The following DIAPH2 variants were observed in gnomAD, a reference collection of about 807,000 sequenced individuals.
DIAPH2 encodes protein diaphanous homolog 2.
Under a neutral mutation model 92.7 loss-of-function variants are expected in DIAPH2, and 35 were observed. That is an observed-to-expected ratio of 0.38 (90% CI 0.29 to 0.50). DIAPH2 has a LOEUF of 0.50. Ranked by LOEUF, DIAPH2 falls within the 20% of genes least tolerant of loss-of-function variation. The pLI, the probability that DIAPH2 is intolerant of heterozygous loss-of-function variation, is 0.94. For synonymous variants in DIAPH2, 301 were observed against 280.4 expected (o/e 1.07, Z -0.73); for missense variants, 701 against 819.5 (o/e 0.86, Z 1.77).
chrX:97,185,351 ATGTGTG>A (rs376783924), intron 22 of DIAPH2, among the ~76,000 whole-genome samples: 93 of 2,066 alleles, frequency 0.045, 10 homozygotes, highest in African/African-American at 0.11. Context: ...GTATATATAT[ATGTGTG>A]TATATATATA....
intron 17 of DIAPH2, among the ~76,000 whole-genome samples, chrX:97,026,835 A>G (rs1236157049): frequency 8.9e-6 from 1 of 112,234 alleles, no homozygotes; most frequent in Admixed American, 9.5e-5. Flanking sequence ...TTGCCTTTGC[A>G]TGTCTTGTGT....
intron 23 of DIAPH2, among the ~76,000 whole-genome samples, chrX:97,297,235 T>C (rs2147621310): frequency 9.2e-6 from 1 of 108,831 alleles, no homozygotes; most frequent in South Asian, 4.0e-4. Context: ...AAACCAGAAC[T>C]GTAAGATGGC....
intron 22 of DIAPH2, among the ~76,000 whole-genome samples, chrX:97,201,614 G>A (rs2067750838): frequency 9.2e-6 from 1 of 108,749 alleles, no homozygotes; most frequent in African/African-American, 3.3e-5. Context: ...AGACAAGATT[G>A]GAGAACATAG....
chrX:97,403,323 T>G (rs2069776307), intron 25 of DIAPH2, among the ~76,000 whole-genome samples: 1 of 112,479 alleles, frequency 8.9e-6, no homozygotes, highest in African/African-American at 3.2e-5. Context: ...ATGATCTTTG[T>G]CACAAATAAA....
intron 8 of DIAPH2, among the ~76,000 whole-genome samples, chrX:96,918,259 C>T (rs1000103158): frequency 1.7e-4 from 19 of 110,612 alleles, no homozygotes; most frequent in Non-Finnish European, 2.3e-4. Context: ...TTTAATTGTT[C>T]GTACCACAAA....
At chrX:97,490,260 G>A (rs1388648858) in intron 26 of DIAPH2, among the ~76,000 whole-genome samples, 1 of 106,065 alleles carries the variant, frequency 9.4e-6, no homozygotes, top group Non-Finnish European at 1.9e-5. Flanking sequence ...CAGTTCTAAT[G>A]TCTCATCTTT....
intron 26 of DIAPH2, among the ~76,000 whole-genome samples, chrX:97,578,391 A>G (rs1465465099): frequency 1.9e-5 from 2 of 106,533 alleles, no homozygotes; most frequent in Admixed American, 1.0e-4. Context: ...TCATTGTTCA[A>G]TTCCCACCTA....
chrX:97,350,525 G>T (rs900792571), intron 24 of DIAPH2, among the ~76,000 whole-genome samples: 8 of 110,934 alleles, frequency 7.2e-5, no homozygotes, highest in African/African-American at 2.6e-4. Context: ...TGCCTAGAAG[G>T]CTAAGAACTC....
chrX:97,464,528 C>A (rs2070492905), intron 26 of DIAPH2, among the ~76,000 whole-genome samples: 1 of 110,745 alleles, frequency 9.0e-6, no homozygotes, highest in Admixed American at 9.6e-5. Flanking sequence ...ATGGGTCTCT[C>A]CAAGTTCAGA....
rs943159219 is a variant in DIAPH2, at chrX:96,685,020, G to A, written c.-39G>A. On this transcript the variant is annotated 5_prime_UTR_variant, in exon 1 of 27. Coordinates refer to ENST00000324765, the MANE Select transcript of DIAPH2 (RefSeq NM_006729.5). Reference sequence around the variant, plus strand: ...CGAGGTGCTTTCTCAGTTGAGGAGAGGTGGGGTTACAGGGCACAGGTGACA... The same window carrying A: ...CGAGGTGCTTTCTCAGTTGAGGAGAAGTGGGGTTACAGGGCACAGGTGACA... 8 of 967,342 alleles carry A rather than the reference G, an allele frequency of 8.3e-6. No homozygotes were observed. Among genetic ancestry groups the A allele is most frequent in the Non-Finnish European group, 1.0e-5 (8 of 768,014 alleles). The allele number at this position is 967,342 out of a possible 1,213,427, so 79.7% of individuals were successfully genotyped here.
intron 9 of DIAPH2, among the ~76,000 whole-genome samples, chrX:96,923,738 A>G: frequency 9.0e-6 from 1 of 111,073 alleles, no homozygotes; most frequent in South Asian, 3.9e-4. Flanking sequence ...TGAAACTGGA[A>G]TGCAAATGAT....
chrX:97,473,479 C>T (rs548085736), intron 26 of DIAPH2, among the ~76,000 whole-genome samples: 4 of 111,114 alleles, frequency 3.6e-5, no homozygotes, highest in South Asian at 3.8e-4. Context: ...GGATTACAGA[C>T]GCCCGCCACC....
At chrX:96,856,036 A>G (rs968304066) in intron 4 of DIAPH2, among the ~76,000 whole-genome samples, 3 of 112,262 alleles carry the variant, frequency 2.7e-5, no homozygotes, top group Non-Finnish European at 5.6e-5. Context: ...GCAAATGTCA[A>G]TGGCGACTTT....
Position 97,502,883 on chromosome X carries a change from T to C in DIAPH2, c.3241+73138T>C, listed in dbSNP as rs144540163. Among the ~76,000 whole-genome samples the C allele has an allele frequency of 6.9e-3, 778 of 112,224 alleles. 7 individuals are homozygous for C. Among genetic ancestry groups the C allele is most frequent in the African/African-American group, 0.024 (751 of 30,907 alleles). On this transcript the variant is annotated intron_variant, in intron 26 of 26. Transcript: ENST00000324765. Reference sequence around the variant, plus strand: ...GCAACAGTACATTGAGTCTTACCAGTAAGTTTTAGTGAATTATTTAGGAAG... The same window carrying C: ...GCAACAGTACATTGAGTCTTACCAGCAAGTTTTAGTGAATTATTTAGGAAG...
intron 4 of DIAPH2, among the ~76,000 whole-genome samples, chrX:96,768,084 A>G (rs776123975): frequency 8.9e-6 from 1 of 112,283 alleles, no homozygotes; most frequent in Admixed American, 9.4e-5. Context: ...ACAATGCATG[A>G]AACAGATTTA....
chrX:97,438,585 C>T (rs757113741), intron 26 of DIAPH2, among the ~76,000 whole-genome samples: 2 of 107,895 alleles, frequency 1.9e-5, no homozygotes, highest in East Asian at 2.9e-4. Flanking sequence ...TCATGCTGCC[C>T]GGGCTGGTCT....
intron 4 of DIAPH2, among the ~76,000 whole-genome samples, chrX:96,818,880 G>A (rs968608828): frequency 8.9e-6 from 1 of 112,561 alleles, no homozygotes; most frequent in Non-Finnish European, 1.9e-5. Context: ...TTTTACCACG[G>A]GACGGGCGGG....
intron 22 of DIAPH2, among the ~76,000 whole-genome samples, chrX:97,243,556 A>G (rs2068115832): frequency 8.9e-6 from 1 of 111,987 alleles, no homozygotes; most frequent in Non-Finnish European, 1.9e-5. Context: ...TGTATAAGCT[A>G]GAATTCTCAG....
intron 22 of DIAPH2, among the ~76,000 whole-genome samples, chrX:97,231,830 T>TAGGAGGAAGTTCTTGTTTTG (rs2068011604): frequency 9.0e-6 from 1 of 110,686 alleles, no homozygotes; most frequent in Admixed American, 9.7e-5. Flanking sequence ...CTCCTGAACA[T>TAGGAGGAAGTTCTTGTTTTG]AACCTTCCAT....
Sources: allele counts gnomAD v4.1 joint callset (sites outside exome capture counted in the v4.1 genomes callset), GRCh38; gene constraint gnomAD v4.1.1; transcripts MANE v1.5; gene names NCBI Gene and HGNC (gene_info 2026-07-23, HGNC 2026-07-21).